PTPRR: variants seen among roughly 807,000 people sequenced by gnomAD.
PTPRR encodes the protein protein tyrosine phosphatase receptor type R.
A neutral mutation model predicts 77.2 loss-of-function variants in PTPRR; 38 were observed. The ratio of observed to expected loss-of-function variants is 0.49; its 90% CI spans 0.38 to 0.65. The LOEUF (loss-of-function observed/expected upper bound fraction) is 0.65, where lower values mean the gene tolerates loss of function less well. Among genes scored for constraint, PTPRR ranks in the 30% least tolerant of loss-of-function variants. PTPRR has a pLI of 0.00. For missense variants in PTPRR, 744 were observed against 799.2 expected (o/e 0.93, Z 0.83); for synonymous variants, 299 against 283.1 (o/e 1.06, Z -0.57).
chr12:70,810,878 T>C (rs1891796597), intron 2 of PTPRR, among the ~76,000 whole-genome samples: 1 of 152,162 alleles, frequency 6.6e-6, no homozygotes, highest in Non-Finnish European at 1.5e-5. Flanking sequence ...CAAACCTAAT[T>C]GAAATGCGCT....
At chr12:70,667,641 C>T (rs936900942) in intron 10 of PTPRR, among the ~76,000 whole-genome samples, 6 of 152,110 alleles carry the variant, frequency 3.9e-5, no homozygotes, top group Admixed American at 6.5e-5. Context: ...TGAATGGATT[C>T]GTGTTTCATA....
At position 70,892,953 on chromosome 12, in the gene PTPRR, T is replaced by C; in HGVS notation, c.83A>G (p.His28Arg). The C allele has an allele frequency of 6.2e-7, 1 of 1,612,860 alleles. No individual in the cohort carries two copies. Among genetic ancestry groups the C allele is most frequent in the Non-Finnish European group, 8.5e-7 (1 of 1,179,196 alleles). The change falls in exon 2 of 14, where the codon CAT becomes CGT. Residue 28 changes from histidine (H) to arginine (R), a missense_variant. Physicochemically the swap from His to Arg is conservative, Grantham distance 29. Transcript: ENST00000283228. ...AAGCFSGNNDHFLAINQKKSG... is the reference protein window; with the variant it reads ...AAGCFSGNNDRFLAINQKKSG... Reference sequence around the variant, plus strand: ...CTTCTTCTGATTAATTGCCAAAAAATGATCATTGTTTCCTGAAAAGCACCC... The same window carrying C: ...CTTCTTCTGATTAATTGCCAAAAAACGATCATTGTTTCCTGAAAAGCACCC...
chr12:70,662,720 C>A, intron 10 of PTPRR, 115 bp from the exon 11 acceptor site: 1 of 562,384 alleles, frequency 1.8e-6, no homozygotes, highest in Non-Finnish European at 3.1e-6. Context: ...TATCAAATAT[C>A]AATTTTTATA....
intron 2 of PTPRR, among the ~76,000 whole-genome samples, chr12:70,846,218 C>T (rs911858760): frequency 6.6e-6 from 1 of 152,124 alleles, no homozygotes; most frequent in Non-Finnish European, 1.5e-5. Context: ...CGCTTCCTTT[C>T]CACTAGCTAC....
intron 5 of PTPRR, 104 bp downstream of exon 5, chr12:70,754,087 C>T (rs1890490388): frequency 9.3e-7 from 1 of 1,076,826 alleles, no homozygotes; most frequent in African/African-American, 1.6e-5. Flanking sequence ...CATAGTCTTC[C>T]TTCTGCTCGG....
At chr12:70,815,606 G>C (rs1167739077) in intron 2 of PTPRR, among the ~76,000 whole-genome samples, 1 of 152,110 alleles carries the variant, frequency 6.6e-6, no homozygotes, top group African/African-American at 2.4e-5. Context: ...GAGACTACTT[G>C]GGGGGACAGA....
intron 2 of PTPRR, among the ~76,000 whole-genome samples, chr12:70,774,789 G>A (rs1177585291): frequency 6.6e-6 from 1 of 152,138 alleles, no homozygotes; most frequent in Non-Finnish European, 1.5e-5. Flanking sequence ...AGATAAAAAT[G>A]GGAATTTTAT....
chr12:70,651,095 A>T (rs11178348), intron 13 of PTPRR, among the ~76,000 whole-genome samples: 8,309 of 152,218 alleles, frequency 0.055, 531 homozygotes, highest in East Asian at 0.31. Context: ...GCTCTGTCTT[A>T]GTGCCGCTTG....
At chr12:70,687,018 C>G (rs572014877) in intron 8 of PTPRR, among the ~76,000 whole-genome samples, 9 of 152,238 alleles carry the variant, frequency 5.9e-5, no homozygotes, top group African/African-American at 2.2e-4. Context: ...TCATTGCACT[C>G]ATTGTTGACT....
chr12:70,841,652 C>G (rs1183096966), intron 2 of PTPRR, among the ~76,000 whole-genome samples: 6 of 152,028 alleles, frequency 3.9e-5, no homozygotes, highest in Non-Finnish European at 8.8e-5. Flanking sequence ...TCTGACTTTA[C>G]CTAGTAGAAT....
intron 8 of PTPRR, among the ~76,000 whole-genome samples, chr12:70,692,870 A>G (rs1787264292): frequency 6.6e-6 from 1 of 152,038 alleles, no homozygotes; most frequent in African/African-American, 2.4e-5. Flanking sequence ...CCTGCCCTCA[A>G]TGGAGTGTGG....
intron 2 of PTPRR, among the ~76,000 whole-genome samples, chr12:70,787,175 T>C (rs543477565): frequency 1.3e-5 from 2 of 152,224 alleles, no homozygotes; most frequent in Admixed American, 1.3e-4. Flanking sequence ...ACAATAAGAG[T>C]CTTCTTTTTC....
intron 6 of PTPRR, among the ~76,000 whole-genome samples, chr12:70,705,297 A>G (rs1407274410): frequency 6.6e-6 from 1 of 152,118 alleles, no homozygotes; most frequent in East Asian, 1.9e-4. Context: ...TGTTGGAATA[A>G]CTCAGAAACC....
chr12:70,840,365 AT>A (rs1278379833), intron 2 of PTPRR, among the ~76,000 whole-genome samples: 1 of 151,986 alleles, frequency 6.6e-6, no homozygotes, highest in African/African-American at 2.4e-5. Flanking sequence ...GTCCCTTGTG[AT>A]TGCTTTGGGT....
chr12:70,826,929 T>C lies in PTPRR; in HGVS notation c.358-62151A>G, dbSNP rs114100980. ...TTCTGTCCTGTGAACATGCCAAACC[T>C]GCACCTGCCTCAGGGGTTTTGGCCT... On this transcript the variant is annotated intron_variant, in intron 2 of 13. Coordinates refer to ENST00000283228, the MANE Select transcript of PTPRR (RefSeq NM_002849.4). 3.2e-3 allele frequency among the ~76,000 whole-genome samples: 492 copies of C among 152,322 alleles called. 2 individuals are homozygous for C. Among genetic ancestry groups the C allele is most frequent in the African/African-American group, 0.011 (467 of 41,584 alleles).
At chr12:70,686,541 A>C (rs774821078) in intron 8 of PTPRR, among the ~76,000 whole-genome samples, 20 of 152,328 alleles carry the variant, frequency 1.3e-4, no homozygotes, top group South Asian at 6.2e-4. Context: ...GGCAGAAATT[A>C]AATAGAATAT....
chr12:70,728,912 G>T (rs1215194839), intron 6 of PTPRR, among the ~76,000 whole-genome samples: 1 of 151,948 alleles, frequency 6.6e-6, no homozygotes, highest in African/African-American at 2.4e-5. Flanking sequence ...ATACTACGGG[G>T]CCAAAAATGA....
intron 2 of PTPRR, among the ~76,000 whole-genome samples, chr12:70,869,593 T>A (rs763682001): frequency 1.8e-4 from 27 of 152,184 alleles, no homozygotes; most frequent in Non-Finnish European, 3.7e-4. Flanking sequence ...AAGTTAACTA[T>A]CTTGCCATGG....
In PTPRR at chr12:70,642,998, C is replaced by T. The variant is rs542334339; in HGVS notation, c.1881-3721G>A. The stretch of plus-strand genomic sequence containing the variant: ...CCAGCCTGGGTAACATAGTTAGACC[C>T]TGTCTACAATTTAAAAGAAAAATTA... On this transcript the variant is annotated intron_variant, in intron 13 of 13. Coordinates refer to ENST00000283228, the MANE Select transcript of PTPRR (RefSeq NM_002849.4). Among the ~76,000 whole-genome samples, 11 of 152,244 alleles carry T rather than the reference C, an allele frequency of 7.2e-5. No individual in the cohort carries two copies. The East Asian group carries it at 2.1e-3, about 29-fold the overall frequency.
Sources: gnomAD v4.1 joint callset for allele counts (sites outside exome capture counted in the v4.1 genomes callset) on GRCh38, gnomAD v4.1.1 for gene constraint, MANE v1.5 for transcripts, NCBI Gene and HGNC (gene_info 2026-07-23, HGNC 2026-07-21) for gene names.